Variants in HIVEP2 observed in about 807,000 individuals in gnomAD.
HIVEP2 encodes the protein HIVEP zinc finger 2, also known as transcription factor HIVEP2.
HIVEP2 carries 14 observed loss-of-function variants against 180.7 expected under a neutral mutation model. That is an observed-to-expected ratio of 0.08 (90% CI 0.05 to 0.12). The LOEUF is 0.12. Among genes scored for constraint, HIVEP2 ranks in the 10% least tolerant of loss-of-function variants. The pLI is 1.00. For missense variants in HIVEP2, 2,579 were observed against 3,008.5 expected (o/e 0.86, Z 3.34); for synonymous variants, 1,184 against 1,136.4 (o/e 1.04, Z -0.84).
At chr6:142,899,694 G>A (rs1295147260) in intron 1 of HIVEP2, among the ~76,000 whole-genome samples, 1 of 152,174 alleles carries the variant, frequency 6.6e-6, no homozygotes, top group Non-Finnish European at 1.5e-5. Flanking sequence ...CAAAGTGTAA[G>A]GCTGAAAACA....
At chr6:142,768,581 A>G in intron 5 of HIVEP2, 45 bp from the exon 6 acceptor site, 1 of 1,593,664 alleles carries the variant, frequency 6.3e-7, no homozygotes, top group Non-Finnish European at 8.6e-7. Flanking sequence ...TTTCTCCAAG[A>G]CACAGGAGCC....
At chr6:142,822,272 C>CA (rs1777062307) in intron 2 of HIVEP2, among the ~76,000 whole-genome samples, 1 of 152,202 alleles carries the variant, frequency 6.6e-6, no homozygotes, top group South Asian at 2.1e-4. Flanking sequence ...TTTTAAACTA[C>CA]ACTGGATTAC....
intron 1 of HIVEP2, among the ~76,000 whole-genome samples, chr6:142,852,114 G>C (rs1028963926): frequency 1.3e-5 from 2 of 152,078 alleles, no homozygotes; most frequent in African/African-American, 4.8e-5. Flanking sequence ...GTTCCACTAG[G>C]TTAATTTTGG....
chr6:142,753,193 G>T lies in HIVEP2; in HGVS notation c.7255C>A (p.Gln2419Lys). ...FYSKSCVDDK[Q>K]LDFHSSKELS... ...TCCTTGCTGCTGTGAAAGTCCAACTGCTTGTCATCCACACAACTCTTGCTG... is the reference window on the plus strand; with the variant it reads ...TCCTTGCTGCTGTGAAAGTCCAACTTCTTGTCATCCACACAACTCTTGCTG... The change falls in exon 10 of 10, where the codon CAG becomes AAG. Residue 2419 changes from glutamine (Q) to lysine (K), a missense_variant. By Grantham distance (53) the Gln-to-Lys change is moderately conservative (BLOSUM62 1). Around this residue, in one of 11 missense-constraint regions of HIVEP2, gnomAD observed 660 missense variants for 731.7 expected, o/e 0.90. Coordinates refer to ENST00000367603, the MANE Select transcript of HIVEP2 (RefSeq NM_006734.4). The T allele has an allele frequency of 6.2e-7, 1 of 1,613,870 alleles. No homozygotes were observed. Among genetic ancestry groups the T allele is most frequent in the South Asian group, 1.1e-5 (1 of 91,076 alleles).
chr6:142,848,821 A>G (rs1775579530), intron 1 of HIVEP2, among the ~76,000 whole-genome samples: 1 of 152,174 alleles, frequency 6.6e-6, no homozygotes, highest in Non-Finnish European at 1.5e-5. Flanking sequence ...TGCTGCTGCC[A>G]TTCCATGAAC....
chr6:142,856,138 A>T (rs1443842769), intron 1 of HIVEP2, among the ~76,000 whole-genome samples: 1 of 152,104 alleles, frequency 6.6e-6, no homozygotes, highest in Non-Finnish European at 1.5e-5. Context: ...TTTTTACCAC[A>T]TCCTGGTAAG....
chr6:142,804,773 G>A (rs976844781), intron 2 of HIVEP2, among the ~76,000 whole-genome samples: 1 of 152,054 alleles, frequency 6.6e-6, no homozygotes, highest in Admixed American at 6.6e-5. Context: ...GGGCAAAGCT[G>A]ACATCCTTTT....
chr6:142,878,431 T>C (rs1036725685), intron 1 of HIVEP2, among the ~76,000 whole-genome samples: 20 of 152,192 alleles, frequency 1.3e-4, no homozygotes, highest in Non-Finnish European at 1.6e-4. Context: ...AAACAAGTAT[T>C]CAGACCTAGA....
chr6:142,779,490 T>C (rs1258852086), intron 3 of HIVEP2: 2 of 152,212 alleles, frequency 1.3e-5, no homozygotes, highest in African/African-American at 4.8e-5. Context: ...TATGGTGGCG[T>C]GTACCTGTAG....
rs1051091195 is a variant in HIVEP2, at chr6:142,898,888, G to A, written c.-641+46211C>T. 7.2e-5 allele frequency among the ~76,000 whole-genome samples: 11 copies of A among 152,144 alleles called. No homozygotes were observed. The East Asian group carries it at 7.7e-4, about 11-fold the overall frequency. On this transcript the variant is annotated intron_variant, in intron 1 of 9. Coordinates refer to ENST00000367603, the MANE Select transcript of HIVEP2 (RefSeq NM_006734.4). ...TCCTGTGCTCACTATTCTAAATATC[G>A]CAGCATTAATTCAGGCTTTCATTGT...
At chr6:142,813,337 A>G (rs545537065) in intron 2 of HIVEP2, among the ~76,000 whole-genome samples, 1 of 152,262 alleles carries the variant, frequency 6.6e-6, no homozygotes, top group East Asian at 1.9e-4. Context: ...GTTTCTGACT[A>G]TCTTTTGTTT....
chr6:142,755,932 T>C (rs1775054714), intron 9 of HIVEP2, among the ~76,000 whole-genome samples: 1 of 152,148 alleles, frequency 6.6e-6, no homozygotes. Context: ...CCCAATAAGT[T>C]TTCTCTACTT....
chr6:142,861,568 C>T (rs1313399186), intron 1 of HIVEP2, among the ~76,000 whole-genome samples: 1 of 152,122 alleles, frequency 6.6e-6, no homozygotes, highest in African/African-American at 2.4e-5. Flanking sequence ...CACATTTTTC[C>T]CATCCGACTG....
chr6:142,891,212 A>T (rs1435403228), intron 1 of HIVEP2, among the ~76,000 whole-genome samples: 1 of 152,158 alleles, frequency 6.6e-6, no homozygotes, highest in African/African-American at 2.4e-5. Context: ...TAATAACAAC[A>T]TCAGTAAGTA....
At chr6:142,808,934 T>C (rs1776622363) in intron 2 of HIVEP2, among the ~76,000 whole-genome samples, 1 of 152,112 alleles carries the variant, frequency 6.6e-6, no homozygotes, top group African/African-American at 2.4e-5. Context: ...TGCTCTCTTC[T>C]TCCATTAACA....
At chr6:142,811,968 G>T (rs181423399) in intron 2 of HIVEP2, among the ~76,000 whole-genome samples, 153 of 152,332 alleles carry the variant, frequency 1.0e-3, no homozygotes, top group Non-Finnish European at 1.8e-3. Context: ...GGCAGGAAGG[G>T]ACAGTGGTCC....
At chr6:142,903,498 T>C (rs1233019703) in intron 1 of HIVEP2, among the ~76,000 whole-genome samples, 2 of 152,228 alleles carry the variant, frequency 1.3e-5, no homozygotes, top group Non-Finnish European at 2.9e-5. Flanking sequence ...TTTGTTTTAA[T>C]TGCTATGTAT....
chr6:142,827,305 T>A (rs181151927), intron 2 of HIVEP2, among the ~76,000 whole-genome samples: 18 of 152,310 alleles, frequency 1.2e-4, no homozygotes, highest in Non-Finnish European at 2.2e-4. Context: ...AACAAAGCAA[T>A]TTCTGAATTT....
intron 2 of HIVEP2, among the ~76,000 whole-genome samples, chr6:142,797,555 A>T (rs1394487809): frequency 6.6e-6 from 1 of 152,156 alleles, no homozygotes; most frequent in Non-Finnish European, 1.5e-5. Flanking sequence ...TGGGGCGCCC[A>T]GATAGTATGG....
Sources: gnomAD v4.1 joint callset for allele counts (sites outside exome capture counted in the v4.1 genomes callset) on GRCh38, gnomAD v4.1.1 for gene constraint, gnomAD v4.1.1 regional missense constraint, MANE v1.5 for transcripts, NCBI Gene and HGNC (gene_info 2026-07-23, HGNC 2026-07-21) for gene names.